Variants in GINS2 observed in about 807,000 individuals in gnomAD.
GINS2 encodes the protein GINS complex subunit 2.
GINS2 carries 23 observed loss-of-function variants against 21.2 expected under a neutral mutation model. The ratio of observed to expected loss-of-function variants is 1.08; its 90% CI spans 0.78 to 1.53. The LOEUF is 1.53. Ranked by LOEUF, GINS2 falls within the 40% of genes most tolerant of loss-of-function variation. GINS2 has a pLI of 0.00. For synonymous variants in GINS2, 118 were observed against 85.6 expected (o/e 1.38, Z -2.09); for missense variants, 323 against 233.9 (o/e 1.38, Z -2.49).
chr16:85,687,603 G>A (rs764177744), intron 1 of GINS2, 29 bp from the exon 2 acceptor site: 2 of 1,324,716 alleles, frequency 1.5e-6, no homozygotes, highest in South Asian at 1.4e-5. Context: ...TTCCCCGTAA[G>A]ATTGAAAAAG....
intron 3 of GINS2, 95 bp from the exon 4 acceptor site, chr16:85,678,761 A>G: frequency 8.4e-7 from 1 of 1,192,374 alleles, no homozygotes; most frequent in East Asian, 2.4e-5. Context: ...TACCGTGGCT[A>G]TTCCAGACTC....
Position 85,677,233 on chromosome 16 carries a change from T to TGGACGATCATTTCACCTCTCAAG in GINS2, c.*956_*978dup, listed in dbSNP as rs2053684635. On this transcript the variant is annotated 3_prime_UTR_variant, in exon 5 of 5. Transcript: ENST00000253462. ...GAACCTTCTATCCATTGCATGATGC[T>TGGACGATCATTTCACCTCTCAAG]GGACGATCATTTCACCTCTCAAGGT... The TGGACGATCATTTCACCTCTCAAG allele has an allele frequency of 6.6e-6, 1 of 152,198 alleles. No individual in the cohort carries two copies. The highest frequency in any genetic ancestry group is 2.1e-4 in the South Asian group (1 of 4,826). 9.4% of individuals were successfully genotyped at this position (152,198 alleles called of 1,614,324 possible). A position where few individuals can be genotyped will look rare whatever the true frequency, so the allele number is the denominator to read the frequency against.
Position 85,676,429 on chromosome 16 carries a change from T to G in GINS2, c.*1783A>C, listed in dbSNP as rs1455586475. 1.3e-5 allele frequency: 2 copies of G among 152,232 alleles called. No individual in the cohort carries two copies. The highest frequency in any genetic ancestry group is 4.8e-5 in the African/African-American group (2 of 41,456). The allele number at this position is 152,232 out of a possible 1,614,324, so 9.4% of individuals were successfully genotyped here. A position where few individuals can be genotyped will look rare whatever the true frequency, so the allele number is the denominator to read the frequency against. On this transcript the variant is annotated 3_prime_UTR_variant, in exon 5 of 5. Transcript: ENST00000253462. ...AGATGAAAGAACAAGTCCTATGAGC[T>G]GAACCAAGTCTGAACAGCACCTTAA...
chr16:85,680,962 G>T (rs758349387), intron 3 of GINS2, among the ~76,000 whole-genome samples: 4 of 152,252 alleles, frequency 2.6e-5, no homozygotes, highest in Non-Finnish European at 5.9e-5. Context: ...GAGTCACATG[G>T]CAGTTCTGCC....
rs868286070 is a variant in GINS2 at position 85,676,356 on chromosome 16, A to C, written c.*1856T>G. ...GCCCTCCACAATAACAAGTGGTTTC[A>C]TTCTAAAAGATCCCCAGATGAAAGC... On this transcript the variant is annotated 3_prime_UTR_variant, in exon 5 of 5. Transcript: ENST00000253462. 3.3e-5 allele frequency: 5 copies of C among 152,256 alleles called. No individual in the cohort carries two copies. The highest frequency in any genetic ancestry group is 1.2e-4 in the African/African-American group (5 of 41,472). 9.4% of individuals were successfully genotyped at this position (152,256 alleles called of 1,614,324 possible). A position where few individuals can be genotyped will look rare whatever the true frequency, so the allele number is the denominator to read the frequency against.
chr16:85,681,602 A>G lies in GINS2; in HGVS notation c.285T>C (p.Leu95=). Residue 95 remains leucine (L), a synonymous_variant, in exon 3 of 5, where the codon CTT becomes CTC. Coordinates refer to ENST00000253462, the MANE Select transcript of GINS2 (RefSeq NM_016095.3). ...CTTACTGATTTAACAGGAGCTTCGT[A>G]AGTTCCATGTAGTAAGGGCTGGGCA... ...TPMPSPYYME[L]TKLLLNHASD... is the part of the protein sequence containing the mutation. 2.5e-6 allele frequency: 4 copies of G among 1,608,414 alleles called. No individual in the cohort carries two copies. The highest frequency in any genetic ancestry group is 3.4e-6 in the Non-Finnish European group (4 of 1,175,004).
At chr16:85,686,189 T>C (rs2053775690) in intron 2 of GINS2, among the ~76,000 whole-genome samples, 4 of 152,112 alleles carry the variant, frequency 2.6e-5, no homozygotes, top group Admixed American at 2.0e-4. Context: ...TTGAGGTGGG[T>C]GGATCACGAG....
intron 2 of GINS2, among the ~76,000 whole-genome samples, chr16:85,686,839 C>T (rs1443244196): frequency 6.6e-6 from 1 of 152,220 alleles, no homozygotes; most frequent in Non-Finnish European, 1.5e-5. Context: ...ATAACTGCTT[C>T]TCAACATGCT....
intron 3 of GINS2, among the ~76,000 whole-genome samples, chr16:85,680,217 T>C (rs551522077): frequency 1.3e-5 from 2 of 152,206 alleles, no homozygotes; most frequent in African/African-American, 4.8e-5. Flanking sequence ...GCATTGCTGC[T>C]TCTCAGCTTT....
rs1230964294 is a variant in GINS2, at chr16:85,676,854, A to G, written c.*1358T>C. 2 of 140,450 alleles carry G rather than the reference A, an allele frequency of 1.4e-5. No homozygotes were observed. The highest frequency in any genetic ancestry group is 2.5e-5 in the African/African-American group (1 of 39,734). 8.7% of individuals were successfully genotyped at this position (140,450 alleles called of 1,614,324 possible). On this transcript the variant is annotated 3_prime_UTR_variant, in exon 5 of 5. Coordinates refer to ENST00000253462, the MANE Select transcript of GINS2 (RefSeq NM_016095.3). The stretch of plus-strand genomic sequence containing the variant: ...TGGATGACAGAACGAGACCCTGTCT[A>G]AAAAAAAAGTTAAAATTTTTTTTGT...
chr16:85,688,237 A>G (rs2053795193), intron 1 of GINS2, among the ~76,000 whole-genome samples: 1 of 152,092 alleles, frequency 6.6e-6, no homozygotes, highest in Non-Finnish European at 1.5e-5. Flanking sequence ...CAGGAGTTCG[A>G]GGCCAGCCGC....
At chr16:85,686,460 G>C (rs896687921) in intron 2 of GINS2, among the ~76,000 whole-genome samples, 12 of 151,952 alleles carry the variant, frequency 7.9e-5, no homozygotes, top group Non-Finnish European at 1.2e-4. Context: ...GCACTTGTGG[G>C]CTATTAAAAA....
At chr16:85,686,043 T>C (rs2053774472) in intron 2 of GINS2, among the ~76,000 whole-genome samples, 1 of 151,962 alleles carries the variant, frequency 6.6e-6, no homozygotes. Context: ...TACTCATATC[T>C]CCAAGAGAAG....
chr16:85,677,590 G>C lies in GINS2; in HGVS notation c.*622C>G, dbSNP rs1364282822. 6.6e-6 allele frequency: 1 copy of C among 152,252 alleles called. No homozygotes were observed. Among genetic ancestry groups the C allele is most frequent in the African/African-American group, 2.4e-5 (1 of 41,448 alleles). 9.4% of individuals were successfully genotyped at this position (152,252 alleles called of 1,614,324 possible). On this transcript the variant is annotated 3_prime_UTR_variant, in exon 5 of 5. Transcript: ENST00000253462. ...TTCCACTTAACTGCCGTGTGCCTCA[G>C]TTTCGTTGACTGAGTCATCTCAGCC... is the stretch of plus-strand genomic sequence containing the variant.
At chr16:85,687,732 C>CT (rs751323623) in intron 1 of GINS2, 158 bp from the exon 2 acceptor site, 4 of 426,224 alleles carry the variant, frequency 9.4e-6, no homozygotes, top group South Asian at 6.2e-5. Flanking sequence ...AACAAAGCGC[C>CT]TCCTGAGCGG....
At chr16:85,683,777 A>G (rs1431395147) in intron 2 of GINS2, among the ~76,000 whole-genome samples, 2 of 152,234 alleles carry the variant, frequency 1.3e-5, no homozygotes, top group African/African-American at 4.8e-5. Flanking sequence ...CCTTTCATTA[A>G]CATCTGAATC....
chr16:85,688,519 C>G (rs1434730753), intron 1 of GINS2, among the ~76,000 whole-genome samples: 1 of 152,234 alleles, frequency 6.6e-6, no homozygotes, highest in East Asian at 1.9e-4. Context: ...GCACTCCAGC[C>G]TGGGCGACAG....
chr16:85,683,969 C>A (rs2152052209), intron 2 of GINS2, among the ~76,000 whole-genome samples: 1 of 152,254 alleles, frequency 6.6e-6, no homozygotes, highest in South Asian at 2.1e-4. Flanking sequence ...CCAGCAAGTC[C>A]ATCATTCTAG....
rs2053675509 is a variant in GINS2, at chr16:85,676,655, C to G, written c.*1557G>C. On this transcript the variant is annotated 3_prime_UTR_variant, in exon 5 of 5. Coordinates refer to ENST00000253462, the MANE Select transcript of GINS2 (RefSeq NM_016095.3). ...CACACATGCGCATTCTCAGAGCTCC[C>G]CAGACAGCACCCCACTGCTTTTGGC... The G allele has an allele frequency of 6.6e-6, 1 of 152,232 alleles. No individual in the cohort carries two copies. The highest frequency in any genetic ancestry group is 2.4e-5 in the African/African-American group (1 of 41,432). The allele number at this position is 152,232 out of a possible 1,614,324, so 9.4% of individuals were successfully genotyped here.
Sources: allele counts gnomAD v4.1 joint callset (sites outside exome capture counted in the v4.1 genomes callset), GRCh38; gene constraint gnomAD v4.1.1; transcripts MANE v1.5; gene names NCBI Gene and HGNC (gene_info 2026-07-23, HGNC 2026-07-21).